The following RIMBP2 variants were observed in gnomAD, a reference collection of about 807,000 sequenced individuals.
The protein encoded by RIMBP2 is RIMS binding protein 2, also known as RIMS-binding protein 2.
In RIMBP2, 48 loss-of-function variants were observed where a neutral mutation model predicts 118.6. The ratio of observed to expected loss-of-function variants is 0.40; its 90% confidence interval spans 0.32 to 0.51. RIMBP2 has a LOEUF of 0.51. Ranked by LOEUF, RIMBP2 falls within the 20% of genes least tolerant of loss-of-function variation. The pLI, the probability that RIMBP2 is intolerant of heterozygous loss-of-function variation, is 0.41. For synonymous variants in RIMBP2, 762 were observed against 742.9 expected (o/e 1.03, Z -0.42); for missense variants, 1,551 against 1,768.3 (o/e 0.88, Z 2.20).
At chr12:130,478,887 C>T (rs781189897) in intron 5 of RIMBP2, 25 bp downstream of exon 5, 4 of 1,584,050 alleles carry the variant, frequency 2.5e-6, no homozygotes, top group Non-Finnish European at 3.5e-6. Flanking sequence ...GCCTCGCACG[C>T]CGCGCCCGGC....
intron 1 of RIMBP2, among the ~76,000 whole-genome samples, chr12:130,702,525 A>T (rs4255575): frequency 0.11 from 14,800 of 134,432 alleles, 1,488 homozygotes; most frequent in African/African-American, 0.26. Flanking sequence ...CAAAAAAAAA[A>T]TAAAAAAATA....
intron 2 of RIMBP2, among the ~76,000 whole-genome samples, chr12:130,558,913 G>A (rs2056590408): frequency 6.6e-6 from 1 of 152,172 alleles, no homozygotes; most frequent in Non-Finnish European, 1.5e-5. Context: ...TCATGAAATT[G>A]AAATTGTCAA....
intron 4 of RIMBP2, among the ~76,000 whole-genome samples, chr12:130,493,094 G>T (rs918670928): frequency 1.1e-4 from 17 of 152,166 alleles, no homozygotes; most frequent in Non-Finnish European, 1.2e-4. Context: ...CCTAGATAAC[G>T]CACTGCACTC....
chr12:130,692,407 A>G (rs1050487413), intron 1 of RIMBP2, among the ~76,000 whole-genome samples: 1 of 152,168 alleles, frequency 6.6e-6, no homozygotes, highest in African/African-American at 2.4e-5. Context: ...CCAAGAATGA[A>G]GAATGATTTG....
intron 4 of RIMBP2, among the ~76,000 whole-genome samples, chr12:130,486,901 C>A (rs1049979163): frequency 1.6e-4 from 24 of 151,054 alleles, no homozygotes; most frequent in African/African-American, 4.4e-4. Flanking sequence ...TCCTCAGAGC[C>A]CTTTCTGCCC....
At chr12:130,439,363 ATGTG>A (rs531518602) in intron 11 of RIMBP2, among the ~76,000 whole-genome samples, 133 of 143,958 alleles carry the variant, frequency 9.2e-4, no homozygotes, top group African/African-American at 3.2e-3. Flanking sequence ...GGGCATGCGT[ATGTG>A]TGTATGTGGG....
chr12:130,580,700 G>A (rs946333403), intron 2 of RIMBP2, among the ~76,000 whole-genome samples: 1 of 152,222 alleles, frequency 6.6e-6, no homozygotes, highest in Non-Finnish European at 1.5e-5. Context: ...AACACTTTGA[G>A]AGGCTGGGGC....
chr12:130,645,822 G>C (rs1297788633), intron 1 of RIMBP2, among the ~76,000 whole-genome samples: 1 of 152,090 alleles, frequency 6.6e-6, no homozygotes, highest in Admixed American at 6.5e-5. Context: ...CACTTTCTTT[G>C]AATAGAAAGA....
At chr12:130,438,335 A>ACGGGGCCCCCCCCC in intron 12 of RIMBP2, 30 bp downstream of exon 12, 1 of 865,012 alleles carries the variant, frequency 1.2e-6, no homozygotes, top group Non-Finnish European at 1.9e-6. Context: ...GGCCTAACAA[A>ACGGGGCCCCCCCCC]CCCTCCCCAC....
rs1202853837 is a variant in RIMBP2, at chr12:130,604,664, A to C, written c.-217+23658T>G. Among the ~76,000 whole-genome samples the C allele has an allele frequency of 1.5e-4, 8 of 54,594 alleles. 3 individuals carry two copies. The highest frequency in any genetic ancestry group is 5.5e-4 in the African/African-American group (8 of 14,650). The allele number at this position is 54,594 out of a possible 152,430, so 35.8% of individuals were successfully genotyped here. On this transcript the variant is annotated intron_variant, in intron 2 of 22. Coordinates refer to ENST00000690449, the MANE Select transcript of RIMBP2 (RefSeq NM_001393629.1). ...AGTGGCACGATCTCGGCTCACTGCA[A>C]GCTTTGCCTCCCGGGTTCACGCCAT...
chr12:130,432,083 G>A, intron 14 of RIMBP2: 1 of 365,824 alleles, frequency 2.7e-6, no homozygotes, highest in South Asian at 2.1e-5. Flanking sequence ...AAACCAGTGG[G>A]GGTATGGGTC....
intron 1 of RIMBP2, among the ~76,000 whole-genome samples, chr12:130,681,552 A>G (rs1302949074): frequency 1.3e-5 from 2 of 152,046 alleles, no homozygotes; most frequent in East Asian, 3.9e-4. Flanking sequence ...AAAAAAATCA[A>G]TCTCATATTT....
rs1594205265 is a variant in RIMBP2, at chr12:130,688,345, C to T, written c.-352+27877G>A. Among the ~76,000 whole-genome samples, 1 of 152,166 alleles carries T rather than the reference C, an allele frequency of 6.6e-6. No individual in the cohort carries two copies. Among genetic ancestry groups the T allele is most frequent in the African/African-American group, 2.4e-5 (1 of 41,434 alleles). On this transcript the variant is annotated intron_variant, in intron 1 of 22. Transcript: ENST00000690449. The surrounding 1 kb of genome is among the most constrained non-coding windows in gnomAD (Gnocchi z 4.7). The stretch of plus-strand genomic sequence containing the variant: ...CTCACTAGCCTCCCAAGCTTGCTCC[C>T]GGTCTCAGGGAGCCACAGGAACACT...
intron 2 of RIMBP2, among the ~76,000 whole-genome samples, chr12:130,529,733 G>T (rs921788538): frequency 6.6e-6 from 1 of 152,126 alleles, no homozygotes; most frequent in African/African-American, 2.4e-5. Flanking sequence ...CCAGCTTCAC[G>T]GAAGACAAGT....
chr12:130,512,953 G>A (rs1368658667), intron 3 of RIMBP2, among the ~76,000 whole-genome samples: 1 of 152,054 alleles, frequency 6.6e-6, no homozygotes, highest in Non-Finnish European at 1.5e-5. Flanking sequence ...GTCTATGTGT[G>A]TCATCCTTTT....
chr12:130,716,278 G>A lies in RIMBP2; in HGVS notation c.-408C>T, dbSNP rs950573056. The A allele has an allele frequency of 1.4e-5, 2 of 145,586 alleles. No individual in the cohort carries two copies. 9.0% of individuals were successfully genotyped at this position (145,586 alleles called of 1,614,324 possible). A position where few individuals can be genotyped will look rare whatever the true frequency, so the allele number is the denominator to read the frequency against. On this transcript the variant is annotated 5_prime_UTR_variant, in exon 1 of 23. Coordinates refer to ENST00000690449, the MANE Select transcript of RIMBP2 (RefSeq NM_001393629.1). Reference sequence around the variant, plus strand: ...GGTTCACCTCGGAGACAACTGCAGTGTACTGTGTCAGATTACAAACTGGGG... The same window carrying A: ...GGTTCACCTCGGAGACAACTGCAGTATACTGTGTCAGATTACAAACTGGGG...
chr12:130,688,494 G>C lies in RIMBP2; in HGVS notation c.-352+27728C>G, dbSNP rs964931148. Among the ~76,000 whole-genome samples the C allele has an allele frequency of 1.3e-5, 2 of 152,132 alleles. No homozygotes were observed. The highest frequency in any genetic ancestry group is 4.8e-5 in the African/African-American group (2 of 41,430). ...TGAACATACACACCACTGTCCCTCCGTGGGGGCGGCCATGTGACCAAGAGC... is the reference window on the plus strand; with the variant it reads ...TGAACATACACACCACTGTCCCTCCCTGGGGGCGGCCATGTGACCAAGAGC... On this transcript the variant is annotated intron_variant, in intron 1 of 22. Transcript: ENST00000690449. This position sits in a 1 kb window ranked among gnomAD's most constrained non-coding sequence, Gnocchi z 4.7.
intron 2 of RIMBP2, among the ~76,000 whole-genome samples, chr12:130,566,885 A>C (rs1176176662): frequency 6.6e-6 from 1 of 152,248 alleles, no homozygotes; most frequent in Non-Finnish European, 1.5e-5. Flanking sequence ...CTAGGGCTGC[A>C]TTAAGGGATT....
intron 2 of RIMBP2, among the ~76,000 whole-genome samples, chr12:130,613,290 G>A (rs537885890): frequency 4.6e-5 from 7 of 152,294 alleles, no homozygotes; most frequent in Admixed American, 2.0e-4. Context: ...CGACCGCCCC[G>A]CCAGAGGGCC....
Sources: gnomAD v4.1 joint callset for allele counts (sites outside exome capture counted in the v4.1 genomes callset) on GRCh38, gnomAD v4.1.1 for gene constraint, Gnocchi (gnomAD v3.1) non-coding constraint, MANE v1.5 for transcripts, NCBI Gene and HGNC (gene_info 2026-07-23, HGNC 2026-07-21) for gene names.